Variants in TBC1D5 observed in about 807,000 individuals in gnomAD.
TBC1D5 encodes TBC1 domain family member 5.
TBC1D5 carries 75 observed loss-of-function variants against 100.3 expected under a neutral mutation model. The observed-to-expected ratio is 0.75, with a 90% CI of 0.62 to 0.91. TBC1D5 has a LOEUF of 0.91. TBC1D5 is among the 40% of genes least tolerant of loss of function. TBC1D5 has a pLI of 0.00. For missense variants in TBC1D5, 910 were observed against 942.4 expected (o/e 0.97, Z 0.45); for synonymous variants, 323 against 325.6 (o/e 0.99, Z 0.09).
chr3:17,549,258 G>A (rs577880296), intron 2 of TBC1D5, among the ~76,000 whole-genome samples: 3 of 152,104 alleles, frequency 2.0e-5, no homozygotes, highest in Non-Finnish European at 2.9e-5. Flanking sequence ...CCAAGATTGC[G>A]CCATTGCACT....
At chr3:17,702,470 T>C (rs750514858) in intron 1 of TBC1D5, 13 of 152,172 alleles carry the variant, frequency 8.5e-5, no homozygotes, top group Non-Finnish European at 1.5e-4. Context: ...AAGCTTAGAA[T>C]GTAAAAGAAC....
chr3:17,419,672 G>C (rs1445514016), intron 4 of TBC1D5, among the ~76,000 whole-genome samples: 1 of 151,720 alleles, frequency 6.6e-6, no homozygotes, highest in East Asian at 1.9e-4. Flanking sequence ...TCTGTTTTTT[G>C]TTTTGTTTTT....
At chr3:17,452,278 C>T (rs2094945950) in intron 3 of TBC1D5, among the ~76,000 whole-genome samples, 1 of 151,916 alleles carries the variant, frequency 6.6e-6, no homozygotes, top group South Asian at 2.1e-4. Flanking sequence ...CAGAAAACAA[C>T]AAAATGGCAG....
At chr3:17,383,366 T>C (rs1428749931) in intron 9 of TBC1D5, among the ~76,000 whole-genome samples, 1 of 151,834 alleles carries the variant, frequency 6.6e-6, no homozygotes, top group East Asian at 1.9e-4. Flanking sequence ...TCTGTATATA[T>C]TAAATAATTT....
At chr3:17,529,577 G>C (rs149164679) in intron 2 of TBC1D5, among the ~76,000 whole-genome samples, 461 of 152,222 alleles carry the variant, frequency 3.0e-3, no homozygotes, top group African/African-American at 0.011. Flanking sequence ...TTTAGTGCCA[G>C]CCCTGAATTC....
chr3:17,444,037 ATACAGT>A (rs1458709967), intron 3 of TBC1D5, among the ~76,000 whole-genome samples: 1 of 152,164 alleles, frequency 6.6e-6, no homozygotes, highest in Non-Finnish European at 1.5e-5. Flanking sequence ...CTACATTGAA[ATACAGT>A]TACAGCTTAA....
chr3:17,233,503 G>A (rs2075601642), intron 17 of TBC1D5, among the ~76,000 whole-genome samples, 182 bp downstream of exon 18: 1 of 152,108 alleles, frequency 6.6e-6, no homozygotes, highest in South Asian at 2.1e-4. Flanking sequence ...GCATCACCAA[G>A]GTATGACATG....
chr3:17,625,332 T>C (rs1162042287), intron 1 of TBC1D5, among the ~76,000 whole-genome samples: 1 of 152,094 alleles, frequency 6.6e-6, no homozygotes, highest in African/African-American at 2.4e-5. Context: ...CAAGTGTCCT[T>C]GTGCTTATAA....
intron 3 of TBC1D5, among the ~76,000 whole-genome samples, chr3:17,433,319 T>A (rs2094477498): frequency 6.6e-6 from 1 of 152,160 alleles, no homozygotes; most frequent in Non-Finnish European, 1.5e-5. Flanking sequence ...TGCCTGAGAC[T>A]GGGTAATTTA....
intron 18 of TBC1D5, among the ~76,000 whole-genome samples, chr3:17,192,171 T>C (rs527685762): frequency 6.6e-6 from 1 of 152,200 alleles, no homozygotes; most frequent in East Asian, 1.9e-4. Context: ...ACAATGAAAT[T>C]GGATCATATT....
chr3:17,618,219 C>G (rs1172916093), intron 2 of TBC1D5, among the ~76,000 whole-genome samples: 1 of 152,188 alleles, frequency 6.6e-6, no homozygotes, highest in African/African-American at 2.4e-5. Context: ...CTGGGTATCA[C>G]CAGTGGAGGC....
Position 17,417,656 on chromosome 3 carries a change from G to A in TBC1D5, c.167+10794C>T, listed in dbSNP as rs1244748355. ...GAATAGTGCCGCAATAAACATACGT[G>A]TGCATGTGTCTTTATAGCAGCATGA... On this transcript the variant is annotated intron_variant, in intron 4 of 21. Coordinates refer to ENST00000253692, the Ensembl canonical transcript of TBC1D5. Among the ~76,000 whole-genome samples, 4 of 152,188 alleles carry A rather than the reference G, an allele frequency of 2.6e-5. No homozygotes were observed. The East Asian group carries it at 7.7e-4, about 29-fold the overall frequency.
intron 3 of TBC1D5, among the ~76,000 whole-genome samples, chr3:17,431,236 G>T (rs2094442747): frequency 6.6e-6 from 1 of 151,848 alleles, no homozygotes; most frequent in Non-Finnish European, 1.5e-5. Flanking sequence ...AGCCGTAACT[G>T]TAACAAAGAT....
At position 17,243,797 on chromosome 3, in the gene TBC1D5, G is replaced by C. The variant is rs961969239; in HGVS notation, c.1332-5378C>G. Among the ~76,000 whole-genome samples the C allele has an allele frequency of 1.7e-4, 26 of 152,272 alleles. 1 individual carries two copies. The highest frequency in any genetic ancestry group is 1.0e-3 in the South Asian group (5 of 4,824). ...AATATGAGCTCACAGTGATGACACT[G>C]AAGAAAATTATGATTCTTGGACTGC... On this transcript the variant is annotated intron_variant, in intron 16 of 21. Transcript: ENST00000253692.
chr3:17,648,890 T>A (rs2065265553), intron 1 of TBC1D5, among the ~76,000 whole-genome samples: 1 of 152,170 alleles, frequency 6.6e-6, no homozygotes, highest in South Asian at 2.1e-4. Flanking sequence ...GAATGTACAT[T>A]AGTTCAACCA....
At chr3:17,706,069 C>T (rs531821170) in intron 1 of TBC1D5, 9 of 1,599,338 alleles carry the variant, frequency 5.6e-6, no homozygotes, top group African/African-American at 2.7e-5. Flanking sequence ...TGATTTCCCC[C>T]GACCCCAGAC....
At chr3:17,271,100 T>C (rs1254972048) in intron 15 of TBC1D5, among the ~76,000 whole-genome samples, 2 of 152,230 alleles carry the variant, frequency 1.3e-5, no homozygotes, top group Non-Finnish European at 2.9e-5. Flanking sequence ...CTATTCAGGC[T>C]CTTTTTCAGT....
intron 1 of TBC1D5, among the ~76,000 whole-genome samples, chr3:17,719,396 GA>G (rs1328240750): frequency 1.3e-5 from 2 of 152,130 alleles, no homozygotes; most frequent in African/African-American, 4.8e-5. Context: ...ATCATAACTA[GA>G]AAAGCCCATT....
chr3:17,567,402 T>C (rs185624019), intron 2 of TBC1D5, among the ~76,000 whole-genome samples: 321 of 151,866 alleles, frequency 2.1e-3, no homozygotes, highest in African/African-American at 7.4e-3. Flanking sequence ...ATCAAAACTA[T>C]ATGACAAGAT....
Sources: gnomAD v4.1 joint callset for allele counts (sites outside exome capture counted in the v4.1 genomes callset) on GRCh38, gnomAD v4.1.1 for gene constraint, MANE v1.5 for transcripts, NCBI Gene and HGNC (gene_info 2026-07-23, HGNC 2026-07-21) for gene names.